The following MYL4 variants were observed in gnomAD, a reference collection of about 807,000 sequenced individuals.
MYL4 encodes the protein atrial myosin light chain 1.
A neutral mutation model predicts 21.6 loss-of-function variants in MYL4; 16 were observed. The ratio of observed to expected loss-of-function variants is 0.74; its 90% CI spans 0.50 to 1.12. MYL4 has a LOEUF of 1.12. MYL4 is among the 50% of genes most tolerant of loss of function. The probability of loss-of-function intolerance (pLI) is 0.00; values close to 1 mark genes in which losing one functional copy is unlikely to be tolerated. For missense variants in MYL4, 249 were observed against 252.9 expected, an observed-to-expected ratio of 0.98 and a Z score of 0.11; for synonymous variants, 82 against 95.7, an observed-to-expected ratio of 0.86 and a Z score of 0.83.
At chr17:47,208,550 T>TACACACACACACAC (rs55886095), upstream of MYL4, among the ~76,000 whole-genome samples, 11 of 145,966 alleles carry the variant, frequency 7.5e-5, no homozygotes, top group African/African-American at 2.5e-4. Flanking sequence ...TAGTAAGCAC[T>TACACACACACACAC]ACACACACAC....
At chr17:47,191,989 T>G in the MYL4 span, among the ~76,000 whole-genome samples, 8 of 152,230 alleles carry the variant, frequency 5.3e-5, no homozygotes, top group Admixed American at 4.6e-4. Context: ...TTAAAGAGCC[T>G]CTGATGCTTG....
At chr17:47,209,825 G>T in intron 1 of MYL4, 1 of 556,744 alleles carries the variant, frequency 1.8e-6, no homozygotes, top group South Asian at 2.0e-5. Context: ...AGTTGGGAAT[G>T]GGGGGAGGTA....
the MYL4 span, among the ~76,000 whole-genome samples, chr17:47,194,717 T>G: frequency 1.8e-4 from 27 of 152,172 alleles, no homozygotes; most frequent in African/African-American, 6.3e-4. Context: ...TTATTCAGCC[T>G]TATCTCACTC....
intron 3 of MYL4, among the ~76,000 whole-genome samples, chr17:47,220,432 T>C (rs1328948504): frequency 6.6e-6 from 1 of 152,212 alleles, no homozygotes; most frequent in Non-Finnish European, 1.5e-5. Flanking sequence ...CACCGAGGTA[T>C]CCTGTGGTGG....
intron 2 of MYL4, among the ~76,000 whole-genome samples, chr17:47,217,456 T>C (rs1661224255): frequency 6.7e-6 from 1 of 149,854 alleles, no homozygotes; most frequent in African/African-American, 2.5e-5. Flanking sequence ...AGACTTTGTC[T>C]CCAAAAAAAA....
At chr17:47,220,140 G>T in intron 3 of MYL4, 87 bp downstream of exon 3, 2 of 1,441,700 alleles carry the variant, frequency 1.4e-6, no homozygotes, top group African/African-American at 1.4e-5. Flanking sequence ...TCTGCCATCT[G>T]CACTCTCTCT....
upstream of MYL4, among the ~76,000 whole-genome samples, chr17:47,198,223 T>C (rs73319525): frequency 0.016 from 2,464 of 152,264 alleles, 54 homozygotes; most frequent in African/African-American, 0.056. Flanking sequence ...TAAACAGTTT[T>C]GAGTTACTAA....
chr17:47,220,061 C>A lies in MYL4; in HGVS notation c.313+8C>A, dbSNP rs372826462. The A allele has an allele frequency of 8.1e-6, 13 of 1,606,426 alleles. No individual in the cohort carries two copies. The highest frequency in any genetic ancestry group is 1.1e-5 in the South Asian group (1 of 89,914). On this transcript the variant is annotated splice_region_variant and intron_variant, in intron 3 of 6. Transcript: ENST00000393450. ...GCAAGCCCAAGCCTGAAGGTCAGTG[C>A]GGCTGCATGGCAGACCTCTCCCAGG...
chr17:47,191,478 T>G, the MYL4 span, among the ~76,000 whole-genome samples: 1 of 152,308 alleles, frequency 6.6e-6, no homozygotes, highest in Non-Finnish European at 1.5e-5. Context: ...TATTTACATT[T>G]TTTTTTTCCG....
At chr17:47,215,467 G>T (rs1023831769) in intron 2 of MYL4, among the ~76,000 whole-genome samples, 2 of 152,056 alleles carry the variant, frequency 1.3e-5, no homozygotes, top group African/African-American at 4.8e-5. Context: ...TTACCCCAGC[G>T]ATCTTTTCAT....
At chr17:47,219,059 C>T (rs575453814) in intron 2 of MYL4, among the ~76,000 whole-genome samples, 58 of 152,342 alleles carry the variant, frequency 3.8e-4, no homozygotes, top group Non-Finnish European at 6.5e-4. Flanking sequence ...CATTGTATCT[C>T]CACTTAGAGC....
chr17:47,193,953 G>C, the MYL4 span, among the ~76,000 whole-genome samples: 1 of 152,022 alleles, frequency 6.6e-6, no homozygotes, highest in Non-Finnish European at 1.5e-5. Context: ...ATGGGGTTTC[G>C]CCATGTTGGC....
chr17:47,197,097 T>TG (rs2149036673), upstream of MYL4, among the ~76,000 whole-genome samples: 1 of 64,472 alleles, frequency 1.6e-5, no homozygotes, highest in Admixed American at 2.0e-4. Flanking sequence ...AAAGGGTTTT[T>TG]TTTTTTTTTT....
chr17:47,203,588 T>C (rs566795448), intron 1 of MYL4, among the ~76,000 whole-genome samples: 2 of 152,318 alleles, frequency 1.3e-5, no homozygotes, highest in East Asian at 3.9e-4. Flanking sequence ...ATTAGTAATA[T>C]TTTCGTTTAT....
chr17:47,208,830 T>C (rs916796214), upstream of MYL4, among the ~76,000 whole-genome samples: 3 of 151,822 alleles, frequency 2.0e-5, no homozygotes, highest in South Asian at 2.1e-4. Context: ...ATCCTGTGAG[T>C]TGGGAGGGTG....
At chr17:47,211,318 C>T (rs949975620) in intron 1 of MYL4, among the ~76,000 whole-genome samples, 7 of 151,870 alleles carry the variant, frequency 4.6e-5, no homozygotes, top group Admixed American at 2.6e-4. Flanking sequence ...GAGGCTGAGG[C>T]GGGAGGGTAA....
chr17:47,198,315 G>A (rs569188617), upstream of MYL4, among the ~76,000 whole-genome samples: 2 of 152,204 alleles, frequency 1.3e-5, no homozygotes, highest in South Asian at 2.1e-4. Flanking sequence ...ACTGAGTACA[G>A]ACTTAGAACA....
chr17:47,211,301 C>G (rs2064772963), intron 1 of MYL4, among the ~76,000 whole-genome samples: 1 of 151,872 alleles, frequency 6.6e-6, no homozygotes, highest in Non-Finnish European at 1.5e-5. Context: ...TAATCCCAGC[C>G]CTTTGGGAGG....
Position 47,221,839 on chromosome 17 carries a change from C to G in MYL4, c.471C>G (p.His157Gln). ...CGGTCATGGGTGCTGAGCTTCGGCA[C>G]GTCCTTGCCACCCTGGGTATGCCAG... ...NGTVMGAELRHVLATLGEKMT... is the reference protein window; with the variant it reads ...NGTVMGAELRQVLATLGEKMT... Residue 157 changes from histidine to glutamine, a missense_variant, in exon 4 of 7, where the codon CAC becomes CAG. His to Gln is a conservative substitution (Grantham distance 24). Transcript: ENST00000393450. 2 of 1,613,252 alleles carry G rather than the reference C, an allele frequency of 1.2e-6. No homozygotes were observed. Among genetic ancestry groups the G allele is most frequent in the Non-Finnish European group, 1.7e-6 (2 of 1,179,610 alleles).
Sources: allele counts gnomAD v4.1 joint callset (sites outside exome capture counted in the v4.1 genomes callset), GRCh38; gene constraint gnomAD v4.1.1; transcripts MANE v1.5; gene names NCBI Gene and HGNC (gene_info 2026-07-23, HGNC 2026-07-21).